The following SESN1 variants were observed in gnomAD, a reference collection of about 807,000 sequenced individuals.
SESN1 encodes the protein sestrin 1.
A neutral mutation model predicts 59.3 loss-of-function variants in SESN1; 30 were observed. The ratio of observed to expected loss-of-function variants is 0.51; its 90% CI spans 0.38 to 0.69. The LOEUF (loss-of-function observed/expected upper bound fraction) is 0.69. Among genes scored for constraint, SESN1 ranks in the 30% least tolerant of loss-of-function variants. The pLI, the probability that SESN1 is intolerant of heterozygous loss-of-function variation, is 0.00. For missense variants in SESN1, 566 were observed against 673.0 expected, an observed-to-expected ratio of 0.84 and a Z score of 1.76; for synonymous variants, 197 against 219.9, an observed-to-expected ratio of 0.90 and a Z score of 0.92.
chr6:109,009,564 G>GGCGCCGACAAACAAGCC, intron 1 of SESN1: 1 of 1,110,320 alleles, frequency 9.0e-7, no homozygotes, highest in South Asian at 4.4e-5. Context: ...GCGGGGGGGC[G>GGCGCCGACAAACAAGCC]GGGCGGCGCC....
rs143466106 is a variant in SESN1, at chr6:109,073,406, T to G, written c.279+20389A>C. ...CAATAGATGGAAACACTAAATCAGT[T>G]AAGCTCGGCTATTTAAACTTGGAAA... is the stretch of plus-strand genomic sequence containing the variant. On this transcript the variant is annotated intron_variant, in intron 1 of 9. Transcript: ENST00000436639. Among the ~76,000 whole-genome samples the G allele has an allele frequency of 5.9e-3, 898 of 152,310 alleles. 13 individuals carry two copies. Among genetic ancestry groups the G allele is most frequent in the African/African-American group, 0.021 (856 of 41,566 alleles).
At position 109,067,043 on chromosome 6, in the gene SESN1, T is replaced by C. The variant is rs534498884; in HGVS notation, c.279+26752A>G. ...CAGACAGGCCTACTTTGAAAATGTA[T>C]GCTTTTCACCTTTCATTCTAATACA... On this transcript the variant is annotated intron_variant, in intron 1 of 9. Transcript: ENST00000436639. Among the ~76,000 whole-genome samples the C allele has an allele frequency of 2.0e-5, 3 of 152,358 alleles. No individual in the cohort carries two copies. In the South Asian group the frequency reaches 6.2e-4, roughly 32 times the overall value.
intron 1 of SESN1, among the ~76,000 whole-genome samples, chr6:109,015,336 A>G (rs1476706015): frequency 6.6e-6 from 1 of 152,130 alleles, no homozygotes; most frequent in East Asian, 1.9e-4. Context: ...CTGCACTACC[A>G]GGCTAGCAGC....
intron 7 of SESN1, among the ~76,000 whole-genome samples, chr6:108,992,144 G>A (rs1030098513): frequency 1.3e-5 from 2 of 152,112 alleles, no homozygotes; most frequent in South Asian, 4.2e-4. Flanking sequence ...TGTCACCCAG[G>A]CTGGAGTGCA....
chr6:109,071,723 A>G (rs1300347877), intron 1 of SESN1, among the ~76,000 whole-genome samples: 1 of 152,188 alleles, frequency 6.6e-6, no homozygotes, highest in Admixed American at 6.5e-5. Context: ...TTCACCAGAC[A>G]CACTGCAAGA....
chr6:109,027,431 C>G (rs553284454), intron 1 of SESN1, among the ~76,000 whole-genome samples: 1 of 143,186 alleles, frequency 7.0e-6, no homozygotes, highest in African/African-American at 2.6e-5. Context: ...GAGCTGAGAT[C>G]GCGCCACTGC....
chr6:109,068,174 C>G (rs1282012946), intron 1 of SESN1, among the ~76,000 whole-genome samples: 3 of 152,176 alleles, frequency 2.0e-5, no homozygotes, highest in African/African-American at 7.2e-5. Context: ...TCTCTTAACC[C>G]TGCATACACC....
chr6:109,016,090 A>G (rs570864963), intron 1 of SESN1, among the ~76,000 whole-genome samples: 1 of 152,354 alleles, frequency 6.6e-6, no homozygotes, highest in Non-Finnish European at 1.5e-5. Context: ...AACTAATCCC[A>G]TTTAACCATA....
chr6:108,997,313 G>GC (rs1562454703), intron 5 of SESN1, among the ~76,000 whole-genome samples: 1 of 152,042 alleles, frequency 6.6e-6, no homozygotes, highest in East Asian at 1.9e-4. Flanking sequence ...GTAGCAAGGA[G>GC]AAGAATCCAT....
At chr6:108,988,506 T>G (rs745799316) in intron 9 of SESN1, 37 bp downstream of exon 9, 3 of 1,563,004 alleles carry the variant, frequency 1.9e-6, no homozygotes, top group Non-Finnish European at 2.6e-6. Context: ...GAATCATTGC[T>G]AAGTTACAAA....
At chr6:109,027,040 C>T (rs529984255) in intron 1 of SESN1, among the ~76,000 whole-genome samples, 3 of 152,194 alleles carry the variant, frequency 2.0e-5, no homozygotes, top group Non-Finnish European at 4.4e-5. Context: ...CATGGCACCA[C>T]ATACCTATAA....
In SESN1 at chr6:108,988,539, A is replaced by G; in HGVS notation, c.1569+4T>C. ...AAAGTAAATAAGCCACAATAGGCACATACCTTCTCAGAGTGCTTGAACTGC... is the reference window on the plus strand; with the variant it reads ...AAAGTAAATAAGCCACAATAGGCACGTACCTTCTCAGAGTGCTTGAACTGC... On this transcript the variant is annotated splice_donor_region_variant and intron_variant, in intron 9 of 9. Coordinates refer to ENST00000436639, the MANE Select transcript of SESN1 (RefSeq NM_014454.3). 6.2e-7 allele frequency: 1 copy of G among 1,605,434 alleles called. No individual in the cohort carries two copies. Among genetic ancestry groups the G allele is most frequent in the Non-Finnish European group, 8.5e-7 (1 of 1,176,918 alleles).
At chr6:109,088,955 C>A (rs1781263853) in intron 1 of SESN1, among the ~76,000 whole-genome samples, 1 of 152,064 alleles carries the variant, frequency 6.6e-6, no homozygotes, top group African/African-American at 2.4e-5. Context: ...ACTGCCTGGC[C>A]CAGAATATTT....
chr6:109,089,751 C>A (rs1381793843), intron 1 of SESN1, among the ~76,000 whole-genome samples: 1 of 152,228 alleles, frequency 6.6e-6, no homozygotes, highest in Non-Finnish European at 1.5e-5. Flanking sequence ...CTAAATCCAA[C>A]TAAATACTAT....
At chr6:109,052,542 TA>T (rs1261496994) in intron 1 of SESN1, among the ~76,000 whole-genome samples, 1 of 152,208 alleles carries the variant, frequency 6.6e-6, no homozygotes, top group Admixed American at 6.5e-5. Flanking sequence ...AATGTTCACT[TA>T]AAGTTTTAAT....
chr6:109,059,520 A>G (rs1780695493), intron 1 of SESN1: 1 of 152,272 alleles, frequency 6.6e-6, no homozygotes, highest in Middle Eastern at 3.4e-3. Context: ...AAAATATGGA[A>G]CGCTTTACAA....
At chr6:109,062,768 C>T (rs1029375059) in intron 1 of SESN1, among the ~76,000 whole-genome samples, 2 of 152,006 alleles carry the variant, frequency 1.3e-5, no homozygotes, top group African/African-American at 2.4e-5. Context: ...ACATACATAG[C>T]TATGATAAAG....
chr6:109,037,770 A>G (rs192154245), intron 1 of SESN1, among the ~76,000 whole-genome samples: 42 of 152,170 alleles, frequency 2.8e-4, no homozygotes, highest in Admixed American at 2.4e-3. Context: ...GCTTGGTATA[A>G]TTTCAGAAGC....
chr6:109,017,662 A>G (rs1304545008), intron 1 of SESN1, among the ~76,000 whole-genome samples: 2 of 152,176 alleles, frequency 1.3e-5, no homozygotes, highest in African/African-American at 4.8e-5. Context: ...GTTAGACTTA[A>G]CCACTTACAT....
Sources: allele counts gnomAD v4.1 joint callset (sites outside exome capture counted in the v4.1 genomes callset), GRCh38; gene constraint gnomAD v4.1.1; transcripts MANE v1.5; gene names NCBI Gene and HGNC (gene_info 2026-07-23, HGNC 2026-07-21).